Variants in PDZD2 observed in about 807,000 individuals in gnomAD.
PDZD2 encodes the protein PDZ domain containing 2.
In PDZD2, 90 loss-of-function variants were observed where a neutral mutation model predicts 220.7. That is an observed-to-expected ratio of 0.41 (90% CI 0.34 to 0.49). The LOEUF (loss-of-function observed/expected upper bound fraction) is 0.49. PDZD2 is among the 20% of genes least tolerant of loss of function. PDZD2 has a pLI of 0.28. For synonymous variants in PDZD2, 1,375 were observed against 1,450.5 expected (o/e 0.95, Z 1.18); for missense variants, 3,174 against 3,608.5 (o/e 0.88, Z 3.08).
At chr5:31,936,041 G>T in intron 2 of PDZD2, 1 of 969,004 alleles carries the variant, frequency 1.0e-6, no homozygotes, top group Non-Finnish European at 1.2e-6. Flanking sequence ...AACACAGCGT[G>T]GCTGGATGCA....
intron 1 of PDZD2, among the ~76,000 whole-genome samples, chr5:31,723,272 C>A (rs1013761814): frequency 2.0e-5 from 3 of 152,042 alleles, no homozygotes; most frequent in Admixed American, 1.3e-4. Context: ...AGAATCATTT[C>A]TCCATGATAA....
At chr5:31,959,209 G>T (rs1338545992) in intron 2 of PDZD2, among the ~76,000 whole-genome samples, 1 of 151,274 alleles carries the variant, frequency 6.6e-6, no homozygotes, top group African/African-American at 2.4e-5. Flanking sequence ...GGGATTACAG[G>T]CATGAGCCAC....
chr5:31,764,317 G>A (rs1276897309), intron 1 of PDZD2, among the ~76,000 whole-genome samples: 4 of 152,032 alleles, frequency 2.6e-5, no homozygotes, highest in South Asian at 2.1e-4. Flanking sequence ...TCCTGTTTTC[G>A]TCCTTCACGC....
At chr5:31,863,838 T>C (rs1737947178) in intron 2 of PDZD2, among the ~76,000 whole-genome samples, 1 of 152,202 alleles carries the variant, frequency 6.6e-6, no homozygotes, top group Non-Finnish European at 1.5e-5. Flanking sequence ...TCCATTTAGA[T>C]TAATCCTATG....
intron 1 of PDZD2, among the ~76,000 whole-genome samples, chr5:31,705,470 A>G (rs974824224): frequency 1.3e-5 from 2 of 152,344 alleles, no homozygotes; most frequent in East Asian, 1.9e-4. Flanking sequence ...TTAAAAAGAC[A>G]GAAAACTACC....
chr5:31,754,416 T>C (rs78100504), intron 1 of PDZD2: 2 of 152,178 alleles, frequency 1.3e-5, no homozygotes, highest in African/African-American at 2.4e-5. Context: ...CGGTTGTCTT[T>C]TTCCTCTCCT....
At chr5:31,856,209 T>C (rs1188947910) in intron 2 of PDZD2, among the ~76,000 whole-genome samples, 1 of 152,162 alleles carries the variant, frequency 6.6e-6, no homozygotes, top group Non-Finnish European at 1.5e-5. Flanking sequence ...GGCCATTGAA[T>C]GCTAACCTGT....
At chr5:32,062,017 C>T (rs997853674) in intron 14 of PDZD2, among the ~76,000 whole-genome samples, 1 of 152,120 alleles carries the variant, frequency 6.6e-6, no homozygotes, top group African/African-American at 2.4e-5. Flanking sequence ...AGCAATCAAT[C>T]CACTTCGGGC....
At chr5:31,794,317 C>G (rs1753885146) in intron 1 of PDZD2, among the ~76,000 whole-genome samples, 1 of 151,910 alleles carries the variant, frequency 6.6e-6, no homozygotes, top group Non-Finnish European at 1.5e-5. Flanking sequence ...CAGGACCCAG[C>G]ACATGATAGA....
At chr5:32,031,297 A>C (rs1173248748) in intron 6 of PDZD2, among the ~76,000 whole-genome samples, 1 of 152,106 alleles carries the variant, frequency 6.6e-6, no homozygotes, top group Non-Finnish European at 1.5e-5. Context: ...TCTGTTGTCT[A>C]AGATCTCTTT....
intron 7 of PDZD2, among the ~76,000 whole-genome samples, chr5:32,038,332 A>C (rs182121614): frequency 0.012 from 1,842 of 151,324 alleles, 10 homozygotes; most frequent in Middle Eastern, 0.024. Context: ...GATCAAGGCT[A>C]TCCTGGCCAA....
chr5:31,889,694 C>T (rs1161458440), intron 2 of PDZD2, among the ~76,000 whole-genome samples: 3 of 151,962 alleles, frequency 2.0e-5, no homozygotes, highest in Non-Finnish European at 4.4e-5. Flanking sequence ...TTACTGTGTC[C>T]GAGTAAGGGA....
intron 1 of PDZD2, among the ~76,000 whole-genome samples, chr5:31,766,479 C>G (rs1752020248): frequency 6.6e-6 from 1 of 151,916 alleles, no homozygotes; most frequent in African/African-American, 2.4e-5. Context: ...CCTCTATAGC[C>G]TCAGATGATC....
intron 2 of PDZD2, among the ~76,000 whole-genome samples, chr5:31,845,751 A>G (rs765871585): frequency 3.2e-4 from 48 of 152,158 alleles, no homozygotes; most frequent in Admixed American, 5.2e-4. Flanking sequence ...TTGCCTGTAA[A>G]ATGGGTTGCT....
intron 2 of PDZD2, among the ~76,000 whole-genome samples, chr5:31,886,650 T>TCTG (rs879761672): frequency 1.3e-5 from 2 of 151,772 alleles, no homozygotes; most frequent in Admixed American, 6.6e-5. Flanking sequence ...CTGTTACAGG[T>TCTG]AGAGCCCAGA....
At chr5:32,054,038 T>C (rs1683054396) in intron 10 of PDZD2, among the ~76,000 whole-genome samples, 155 bp downstream of exon 10, 1 of 152,222 alleles carries the variant, frequency 6.6e-6, no homozygotes, top group Admixed American at 6.5e-5. Flanking sequence ...CTTTCCCTAG[T>C]TGTAAACTTG....
chr5:31,785,408 A>G (rs1753321213), intron 1 of PDZD2, among the ~76,000 whole-genome samples: 1 of 147,758 alleles, frequency 6.8e-6, no homozygotes. Context: ...TATTTCCCAT[A>G]TATATGTCAT....
At chr5:32,091,649 A>T (rs976304031) in intron 20 of PDZD2, among the ~76,000 whole-genome samples, 13 of 152,318 alleles carry the variant, frequency 8.5e-5, no homozygotes, top group Non-Finnish European at 1.9e-4. Flanking sequence ...AAAAGTAAGA[A>T]ATTAATGTTG....
intron 2 of PDZD2, among the ~76,000 whole-genome samples, chr5:31,872,115 A>C (rs1464172703): frequency 1.4e-5 from 2 of 147,174 alleles, no homozygotes; most frequent in Non-Finnish European, 3.0e-5. Context: ...TGGTATTTGG[A>C]GTTGTGTTGA....
Sources: allele counts gnomAD v4.1 joint callset (sites outside exome capture counted in the v4.1 genomes callset), GRCh38; gene constraint gnomAD v4.1.1; transcripts MANE v1.5; gene names NCBI Gene and HGNC (gene_info 2026-07-23, HGNC 2026-07-21).